The following RBFOX1 variants were observed in gnomAD, a reference collection of about 807,000 sequenced individuals.
The protein encoded by RBFOX1 is RNA binding fox-1 homolog 1, also known as RNA binding protein fox-1 homolog 1.
A neutral mutation model predicts 57.7 loss-of-function variants in RBFOX1; 8 were observed. The ratio of observed to expected loss-of-function variants is 0.14; its 90% confidence interval spans 0.08 to 0.25. The LOEUF (loss-of-function observed/expected upper bound fraction) is 0.25. RBFOX1 is among the 10% of genes least tolerant of loss of function. The pLI, the probability that RBFOX1 is intolerant of heterozygous loss-of-function variation, is 1.00. For missense variants in RBFOX1, 611 were observed against 548.5 expected (o/e 1.11, Z -1.14); for synonymous variants, 326 against 222.4 (o/e 1.47, Z -4.15).
rs146661633 is a variant in RBFOX1 at position 6,141,431 on chromosome 16, C to A, written c.-127+121439C>A. Among the ~76,000 whole-genome samples the A allele has an allele frequency of 1.8e-3, 276 of 152,252 alleles. 1 individual carries two copies. Among genetic ancestry groups the A allele is most frequent in the African/African-American group, 6.0e-3 (248 of 41,552 alleles). On this transcript the variant is annotated intron_variant, in intron 1 of 15. Transcript: ENST00000550418. The stretch of plus-strand genomic sequence containing the variant: ...CGCTTGTCTCCTCCCCCTGGGTTAT[C>A]TGTTAGGGACCACACTCAAAACCAA...
At chr16:7,300,292 T>C (rs2096001576) in intron 4 of RBFOX1, among the ~76,000 whole-genome samples, 1 of 151,870 alleles carries the variant, frequency 6.6e-6, no homozygotes, top group South Asian at 2.1e-4. Context: ...GATGCCGACC[T>C]GGGGGCTAGA....
At chr16:6,975,124 G>C (rs1028606843) in intron 3 of RBFOX1, among the ~76,000 whole-genome samples, 2 of 152,154 alleles carry the variant, frequency 1.3e-5, no homozygotes, top group East Asian at 3.9e-4. Flanking sequence ...AGCAGAGGAA[G>C]GTGTTTCACT....
chr16:6,454,899 T>A lies in RBFOX1; in HGVS notation c.-64+137842T>A. ...TTTTTTTTTTTTTTTTTTTTTTTTT[T>A]TTGAGTTGGCGTCTCGCCCTGTCAC... On this transcript the variant is annotated intron_variant, in intron 2 of 15. Transcript: ENST00000550418. 1.4e-5 allele frequency among the ~76,000 whole-genome samples: 2 copies of A among 145,556 alleles called. 1 individual carries two copies. The highest frequency in any genetic ancestry group is 3.0e-5 in the Non-Finnish European group (2 of 66,164).
At chr16:7,583,622 A>G (rs1004358506) in intron 6 of RBFOX1, among the ~76,000 whole-genome samples, 2 of 152,164 alleles carry the variant, frequency 1.3e-5, no homozygotes, top group African/African-American at 2.4e-5. Context: ...CTCAATGACT[A>G]CAGTTCTCAA....
At chr16:6,005,408 A>G (rs1220983125) in intron 4 of RBFOX1, among the ~76,000 whole-genome samples, 1 of 152,240 alleles carries the variant, frequency 6.6e-6, no homozygotes, top group Non-Finnish European at 1.5e-5. Flanking sequence ...AGCTGGGAGC[A>G]CATTGAGAAA....
At chr16:7,394,469 C>G (rs926633974) in intron 4 of RBFOX1, among the ~76,000 whole-genome samples, 2 of 152,012 alleles carry the variant, frequency 1.3e-5, no homozygotes, top group South Asian at 2.1e-4. Flanking sequence ...AAGGAAACCT[C>G]GAAAGGGTTG....
chr16:6,501,699 A>G (rs1252537347), intron 2 of RBFOX1, among the ~76,000 whole-genome samples: 1 of 152,042 alleles, frequency 6.6e-6, no homozygotes, highest in Non-Finnish European at 1.5e-5. Flanking sequence ...TCATTCTAAA[A>G]CATTCACCCA....
intron 4 of RBFOX1, among the ~76,000 whole-genome samples, chr16:5,892,877 G>A (rs1358067765): frequency 1.3e-5 from 2 of 152,184 alleles, no homozygotes; most frequent in East Asian, 1.9e-4. Flanking sequence ...TGCCATGAGA[G>A]GGGGTTGCAG....
intron 3 of RBFOX1, among the ~76,000 whole-genome samples, chr16:6,792,298 G>C (rs1342522648): frequency 6.6e-6 from 1 of 152,142 alleles, no homozygotes; most frequent in Non-Finnish European, 1.5e-5. Flanking sequence ...CTAAAGTTTG[G>C]AAAACGTTGC....
At chr16:5,695,994 G>T (rs1427875974) in intron 3 of RBFOX1, among the ~76,000 whole-genome samples, 1 of 152,112 alleles carries the variant, frequency 6.6e-6, no homozygotes, top group African/African-American at 2.4e-5. Context: ...CAGTTATAGG[G>T]AATATGAGGA....
intron 2 of RBFOX1, among the ~76,000 whole-genome samples, chr16:6,576,750 G>T (rs912290355): frequency 2.0e-5 from 3 of 152,156 alleles, no homozygotes; most frequent in Non-Finnish European, 4.4e-5. Context: ...CAACGTTAGG[G>T]ATTTATGCTA....
intron 3 of RBFOX1, among the ~76,000 whole-genome samples, chr16:5,772,980 T>C (rs374807982): frequency 1.8e-4 from 27 of 152,116 alleles, no homozygotes; most frequent in African/African-American, 5.8e-4. Flanking sequence ...GCATACCTGG[T>C]GTGTTCCAGG....
At chr16:6,949,634 G>A (rs550302211) in intron 3 of RBFOX1, among the ~76,000 whole-genome samples, 2 of 152,060 alleles carry the variant, frequency 1.3e-5, no homozygotes, top group South Asian at 4.1e-4. Context: ...TTCTAAAAAT[G>A]GCAGTCAAAT....
intron 3 of RBFOX1, among the ~76,000 whole-genome samples, chr16:6,878,290 C>T (rs1033545988): frequency 1.3e-5 from 2 of 152,144 alleles, no homozygotes; most frequent in Non-Finnish European, 2.9e-5. Flanking sequence ...GAGAGCAGTT[C>T]TGGCTAATGA....
intron 4 of RBFOX1, among the ~76,000 whole-genome samples, chr16:7,496,640 T>G (rs1391930073): frequency 6.6e-6 from 1 of 151,552 alleles, no homozygotes; most frequent in African/African-American, 2.4e-5. Flanking sequence ...TAGCAAGGCC[T>G]CAGTTTACTT....
At chr16:7,164,149 C>A (rs1357084357) in intron 4 of RBFOX1, among the ~76,000 whole-genome samples, 2 of 152,140 alleles carry the variant, frequency 1.3e-5, no homozygotes, top group Non-Finnish European at 1.5e-5. Context: ...CCAGAATCCA[C>A]TGTATCATTC....
intron 3 of RBFOX1, among the ~76,000 whole-genome samples, chr16:6,931,142 A>G (rs923652728): frequency 2.0e-5 from 3 of 152,122 alleles, no homozygotes; most frequent in Non-Finnish European, 4.4e-5. Context: ...TTTAAGAAAA[A>G]TTCAGAACAC....
intron 8 of RBFOX1, among the ~76,000 whole-genome samples, chr16:7,596,126 GAAAAAAAAAC>G (rs139456263): frequency 0.65 from 68,991 of 105,760 alleles, 20,018 homozygotes; most frequent in Middle Eastern, 0.71. Flanking sequence ...GTTTTTTGTG[GAAAAAAAAAC>G]AAAAAAAAAA....
chr16:6,788,445 ATTTTT>A (rs138604209), intron 3 of RBFOX1, among the ~76,000 whole-genome samples: 1 of 148,612 alleles, frequency 6.7e-6, no homozygotes, highest in Non-Finnish European at 1.5e-5. Flanking sequence ...TGCTGCACTG[ATTTTT>A]TTTTTATTAT....
Sources: gnomAD v4.1 joint callset for allele counts (sites outside exome capture counted in the v4.1 genomes callset) on GRCh38, gnomAD v4.1.1 for gene constraint, MANE v1.5 for transcripts, NCBI Gene and HGNC (gene_info 2026-07-23, HGNC 2026-07-21) for gene names.